The following CCDC180 variants were observed in gnomAD, a reference collection of about 807,000 sequenced individuals.
CCDC180 encodes coiled-coil domain containing 180, also known as coiled-coil domain-containing protein 180.
CCDC180 carries 154 observed loss-of-function variants against 209.2 expected under a neutral mutation model. The observed-to-expected ratio is 0.74, with a 90% CI of 0.65 to 0.84. The LOEUF (loss-of-function observed/expected upper bound fraction) is 0.84, where lower values mean the gene tolerates loss of function less well. Ranked by LOEUF, CCDC180 falls within the 40% of genes least tolerant of loss-of-function variation. CCDC180 has a pLI of 0.00. For synonymous variants in CCDC180, 778 were observed against 749.1 expected, an observed-to-expected ratio of 1.04 and a Z score of -0.63; for missense variants, 1,874 against 1,997.3, an observed-to-expected ratio of 0.94 and a Z score of 1.18.
chr9:97,350,652 A>G lies in CCDC180; in HGVS notation c.3002+97A>G, dbSNP rs1826397945. 9 of 1,287,292 alleles carry G rather than the reference A, an allele frequency of 7.0e-6. No homozygotes were observed. In the South Asian group the frequency reaches 1.3e-4, roughly 19 times the overall value. The allele number at this position is 1,287,292 out of a possible 1,614,324, so 79.7% of individuals were successfully genotyped here. A position where few individuals can be genotyped will look rare whatever the true frequency, so the allele number is the denominator to read the frequency against. ...TTAATTTTTAGTTTTGACAAAATAA[A>G]CGTAACATCAAACTTAACATCTTAA... On this transcript the variant is annotated intron_variant, in intron 22 of 36. Transcript: ENST00000529487.
chr9:97,310,198 G>C (rs1832936568), intron 3 of CCDC180, among the ~76,000 whole-genome samples: 1 of 152,366 alleles, frequency 6.6e-6, no homozygotes, highest in East Asian at 1.9e-4. Context: ...TCAAGAAGAG[G>C]CAGGAAGGCC....
In CCDC180 at chr9:97,312,217, G is replaced by T; in HGVS notation, c.349+16G>T. 1 of 1,610,614 alleles carries T rather than the reference G, an allele frequency of 6.2e-7. No individual in the cohort carries two copies. Among genetic ancestry groups the T allele is most frequent in the Non-Finnish European group, 8.5e-7 (1 of 1,177,026 alleles). Reference sequence around the variant, plus strand: ...GATACTATAGGTGAGCCTCCATTCAGCCTCAAGGCAGGCCTGTCCTGGGCC... The same window carrying T: ...GATACTATAGGTGAGCCTCCATTCATCCTCAAGGCAGGCCTGTCCTGGGCC... On this transcript the variant is annotated intron_variant, in intron 4 of 36. Transcript: ENST00000529487.
intron 21 of CCDC180, among the ~76,000 whole-genome samples, chr9:97,349,781 C>T (rs1826371746): frequency 6.6e-6 from 1 of 152,134 alleles, no homozygotes; most frequent in Non-Finnish European, 1.5e-5. Context: ...TCAGGCAGGT[C>T]ACAGGGAGGA....
intron 29 of CCDC180, 32 bp from the exon 30 acceptor site, chr9:97,365,641 C>T: frequency 6.3e-7 from 1 of 1,595,420 alleles, no homozygotes; most frequent in South Asian, 1.1e-5. Context: ...CTAGACCAGG[C>T]CCCTCAGGGA....
At chr9:97,375,845 G>T in intron 36 of CCDC180, 1 of 501,142 alleles carries the variant, frequency 2.0e-6, no homozygotes, top group East Asian at 3.2e-5. Context: ...CAGATTAGGG[G>T]TGAAGGCTTT....
At chr9:97,371,777 C>A in intron 34 of CCDC180, 71 bp downstream of exon 34, 1 of 845,938 alleles carries the variant, frequency 1.2e-6, no homozygotes, top group Non-Finnish European at 1.9e-6. Context: ...CAGGGGTCTG[C>A]TTTCCCCAAC....
chr9:97,347,241 G>A (rs1242345206), intron 19 of CCDC180, 73 bp from the exon 20 acceptor site: 6 of 1,427,220 alleles, frequency 4.2e-6, no homozygotes, highest in Non-Finnish European at 5.6e-6. Context: ...AAGCACTTTG[G>A]GTCTCCATAT....
At chr9:97,346,043 G>A (rs962690458) in intron 19 of CCDC180, among the ~76,000 whole-genome samples, 2 of 151,984 alleles carry the variant, frequency 1.3e-5, no homozygotes, top group African/African-American at 4.8e-5. Flanking sequence ...CTGATTTTTT[G>A]TTTACGGTGT....
rs913244367 is a variant in CCDC180, at chr9:97,377,113, C to T, written c.*219C>T. The T allele has an allele frequency of 7.4e-6, 3 of 404,820 alleles. No homozygotes were observed. Among genetic ancestry groups the T allele is most frequent in the East Asian group, 4.4e-5 (1 of 22,622 alleles). 25.1% of individuals were successfully genotyped at this position (404,820 alleles called of 1,614,324 possible). On this transcript the variant is annotated 3_prime_UTR_variant, in exon 37 of 37. Coordinates refer to ENST00000529487, the MANE Select transcript of CCDC180 (RefSeq NM_020893.6). ...AGGCAAGCATGAAAGGGGAATTCCA[C>T]GTGGTTAGCAGGGAGGGTGAGTACC...
chr9:97,367,015 T>C (rs970542878), intron 31 of CCDC180, among the ~76,000 whole-genome samples: 1 of 152,222 alleles, frequency 6.6e-6, no homozygotes, highest in Non-Finnish European at 1.5e-5. Context: ...ACACATGTAG[T>C]GTACTCAATG....
chr9:97,361,715 C>G lies in CCDC180; in HGVS notation c.3484-11C>G, dbSNP rs776894803. ...TCCTTACACCCTCAGGCCCTTCTCT[C>G]TGGCCTGCAGAACACCATCCTGAAG... is the stretch of plus-strand genomic sequence containing the variant. On this transcript the variant is annotated splice_polypyrimidine_tract_variant and intron_variant, in intron 26 of 36. Transcript: ENST00000529487. 2 of 1,613,392 alleles carry G rather than the reference C, an allele frequency of 1.2e-6. No homozygotes were observed. Among genetic ancestry groups the G allele is most frequent in the South Asian group, 1.1e-5 (1 of 91,012 alleles).
Position 97,314,486 on chromosome 9 carries a change from GA to G in CCDC180, c.557del (p.Asn186MetfsTer49), listed in dbSNP as rs751424415. The G allele has an allele frequency of 2.5e-6, 4 of 1,614,020 alleles. No homozygotes were observed. The highest frequency in any genetic ancestry group is 8.5e-7 in the Non-Finnish European group (1 of 1,180,028). On this transcript the variant is annotated frameshift_variant, in exon 6 of 37. Transcript: ENST00000529487. LOFTEE classifies it high-confidence loss of function. ...AATGAACCGTCTCTTCCTAAAGGTG[GA>G]AAATGACACCAACCTTGAGGACTAC... Reference protein sequence around the residue: ...EEMNRLFLKVENDTNLEDYTI... With the variant: ...EEMNRLFLKVXNDTNLEDYTI...
intron 18 of CCDC180, among the ~76,000 whole-genome samples, chr9:97,340,505 A>T (rs1210239908): frequency 6.6e-6 from 1 of 152,238 alleles, no homozygotes. Context: ...ATCATTAATC[A>T]TTAGTTTGTA....
intron 18 of CCDC180, among the ~76,000 whole-genome samples, chr9:97,336,901 A>G (rs979761334): frequency 3.3e-5 from 5 of 152,010 alleles, no homozygotes; most frequent in African/African-American, 4.8e-5. Context: ...TTGGATTCCT[A>G]GGTATTTTAT....
intron 9 of CCDC180, among the ~76,000 whole-genome samples, chr9:97,317,744 G>A (rs747365288): frequency 2.6e-5 from 4 of 152,082 alleles, no homozygotes; most frequent in African/African-American, 4.8e-5. Flanking sequence ...CTTTTGCTGT[G>A]GATGAAGGAA....
At position 97,328,097 on chromosome 9, in the gene CCDC180, A is replaced by G; in HGVS notation, c.1739A>G (p.Tyr580Cys). Residue 580 changes from tyrosine (Y) to cysteine (C), a missense_variant, in exon 16 of 37, where the codon TAC becomes TGC. Coordinates refer to ENST00000529487, the MANE Select transcript of CCDC180 (RefSeq NM_020893.6). ...ATCATGCTGAAAGAACTCAACTCCT[A>G]CAGCTCTGCCCTCAGCCAATACTTC... ...PAIMLKELNS[Y>C]SSALSQYFFV... 1.2e-6 allele frequency: 2 copies of G among 1,614,134 alleles called. No homozygotes were observed. Among genetic ancestry groups the G allele is most frequent in the Non-Finnish European group, 1.7e-6 (2 of 1,179,972 alleles).
Position 97,314,656 on chromosome 9 carries a change from A to C in CCDC180, c.627A>C (p.Leu209Phe). 1 of 1,614,098 alleles carries C rather than the reference A, an allele frequency of 6.2e-7. No homozygotes were observed. Reference protein sequence around the residue: ...LELWDKVAGRLLLRKQEIKEL... With the variant: ...LELWDKVAGRFLLRKQEIKEL... Reference sequence around the variant, plus strand: ...TGTGGGATAAGGTGGCCGGGCGGTTACTGCTCCGGAAGCAGGAGATTAAGG... The same window carrying C: ...TGTGGGATAAGGTGGCCGGGCGGTTCCTGCTCCGGAAGCAGGAGATTAAGG... The change falls in exon 7 of 37, where the codon TTA becomes TTC. Residue 209 changes from leucine (L) to phenylalanine (F), a missense_variant. Coordinates refer to ENST00000529487, the MANE Select transcript of CCDC180 (RefSeq NM_020893.6).
chr9:97,309,484 G>A lies in CCDC180; in HGVS notation c.140G>A (p.Gly47Asp). The change falls in exon 3 of 37, where the codon GGC (glycine) becomes GAC (aspartate). Residue 47 changes from glycine to aspartate, a missense_variant. Transcript: ENST00000529487. The part of the protein sequence containing the change: ...AAERSVTLKS[G>D]RIPMMKKVET... ...GAGCGTTCTGTGACCCTGAAGAGTGGCAGGATACCCATGATGAAGAAGGTG... is the reference window on the plus strand; with the variant it reads ...GAGCGTTCTGTGACCCTGAAGAGTGACAGGATACCCATGATGAAGAAGGTG... 1 of 1,608,170 alleles carries A rather than the reference G, an allele frequency of 6.2e-7. No homozygotes were observed.
At chr9:97,357,903 A>C in intron 25 of CCDC180, 178 bp downstream of exon 25, 1 of 532,782 alleles carries the variant, frequency 1.9e-6, no homozygotes, top group African/African-American at 1.9e-5. Context: ...AAAGGAACAA[A>C]AGAGAAAGCA....
Sources: allele counts gnomAD v4.1 joint callset (sites outside exome capture counted in the v4.1 genomes callset), GRCh38; gene constraint gnomAD v4.1.1; transcripts MANE v1.5; gene names NCBI Gene and HGNC (gene_info 2026-07-23, HGNC 2026-07-21).